CSRNP3: variants seen among roughly 807,000 people sequenced by gnomAD.
CSRNP3 encodes the protein cysteine/serine-rich nuclear protein 3.
CSRNP3 carries 12 observed loss-of-function variants against 48.0 expected under a neutral mutation model. The ratio of observed to expected loss-of-function variants is 0.25; its 90% CI spans 0.16 to 0.41. The LOEUF is 0.41. Ranked by LOEUF, CSRNP3 falls within the 10% of genes least tolerant of loss-of-function variation. The pLI is 1.00. For missense variants in CSRNP3, 580 were observed against 724.4 expected (o/e 0.80, Z 2.29); for synonymous variants, 263 against 269.7 (o/e 0.98, Z 0.24).
At chr2:165,524,528 G>T (rs13426832) in intron 3 of CSRNP3, among the ~76,000 whole-genome samples, 13,579 of 152,112 alleles carry the variant, frequency 0.089, 922 homozygotes, top group Middle Eastern at 0.14. Flanking sequence ...TTTGACAGTT[G>T]TACAGAGTCA....
Position 165,496,906 on chromosome 2 carries a change from G to T in CSRNP3, c.-113+1978G>T, listed in dbSNP as rs572049714. Among the ~76,000 whole-genome samples the T allele has an allele frequency of 7.4e-3, 1,122 of 152,004 alleles. 13 individuals carry two copies. Among genetic ancestry groups the T allele is most frequent in the African/African-American group, 0.025 (1,056 of 41,478 alleles). On this transcript the variant is annotated intron_variant, in intron 2 of 6. Coordinates refer to ENST00000651982, the MANE Select transcript of CSRNP3 (RefSeq NM_001172173.2). Reference sequence around the variant, plus strand: ...GACTTCTCTATGCAAGACACTTATTGATTTCTATAGCTTGTAAGTTCACAA... The same window carrying T: ...GACTTCTCTATGCAAGACACTTATTTATTTCTATAGCTTGTAAGTTCACAA...
At chr2:165,602,133 G>T (rs1420673158) in intron 4 of CSRNP3, among the ~76,000 whole-genome samples, 1 of 152,128 alleles carries the variant, frequency 6.6e-6, no homozygotes, top group Non-Finnish European at 1.5e-5. Context: ...CAATGGAGGA[G>T]TGTTCAGGCC....
intron 6 of CSRNP3, among the ~76,000 whole-genome samples, chr2:165,678,453 T>C (rs1687465930): frequency 6.6e-6 from 1 of 152,148 alleles, no homozygotes; most frequent in Admixed American, 6.5e-5. Context: ...GTCAGTGAAC[T>C]GAAAATACAC....
chr2:165,604,247 A>G (rs1266995424), intron 4 of CSRNP3, among the ~76,000 whole-genome samples: 1 of 152,210 alleles, frequency 6.6e-6, no homozygotes, highest in Non-Finnish European at 1.5e-5. Flanking sequence ...TTATTTATGC[A>G]CACATCTTAT....
intron 3 of CSRNP3, among the ~76,000 whole-genome samples, chr2:165,570,588 A>C (rs1021245672): frequency 4.5e-5 from 6 of 133,526 alleles, no homozygotes; most frequent in Non-Finnish European, 1.0e-4. Context: ...TTTTTGAAGT[A>C]ATGCAGTAAA....
intron 2 of CSRNP3, among the ~76,000 whole-genome samples, chr2:165,505,133 C>T (rs1462877575): frequency 6.6e-6 from 1 of 152,026 alleles, no homozygotes; most frequent in East Asian, 1.9e-4. Context: ...ATTCTTCAAA[C>T]AAAATGTTTC....
chr2:165,532,871 A>G (rs1177186647), intron 3 of CSRNP3, among the ~76,000 whole-genome samples: 1 of 152,160 alleles, frequency 6.6e-6, no homozygotes, highest in African/African-American at 2.4e-5. Context: ...GTCTCAGGAT[A>G]CAAAATCAAT....
chr2:165,547,057 T>G lies in CSRNP3; in HGVS notation c.-24+29096T>G, dbSNP rs903942163. 9.8e-5 allele frequency among the ~76,000 whole-genome samples: 15 copies of G among 152,314 alleles called. 1 individual carries two copies. Among genetic ancestry groups the G allele is most frequent in the African/African-American group, 3.6e-4 (15 of 41,586 alleles). ...CTCCCTTCTTAATTGATAACCACTG[T>G]CAATGTATTTTGTGCCTGTCTTTAA... On this transcript the variant is annotated intron_variant, in intron 3 of 6. Transcript: ENST00000651982.
In CSRNP3 at chr2:165,517,204, A is replaced by G. The variant is rs372275045; in HGVS notation, c.-112-669A>G. Among the ~76,000 whole-genome samples the G allele has an allele frequency of 1.6e-4, 25 of 152,172 alleles. No individual in the cohort carries two copies. The South Asian group carries it at 2.3e-3, about 14-fold the overall frequency. ...TAGTCTGGGTAAATAAAAAGTATAT[A>G]TCATTACTGCCCGGGTTTCATCATC... On this transcript the variant is annotated intron_variant, in intron 2 of 6. Transcript: ENST00000651982.
At chr2:165,576,142 T>C (rs956555843) in intron 3 of CSRNP3, among the ~76,000 whole-genome samples, 5 of 150,758 alleles carry the variant, frequency 3.3e-5, no homozygotes, top group Non-Finnish European at 7.4e-5. Context: ...AATATATATA[T>C]ACACACACAT....
chr2:165,647,280 C>T lies in CSRNP3; in HGVS notation c.149-10481C>T, dbSNP rs116157871. ...ATTTTAGCAAGTATTAAAATTCAGACTTTAAATCGATTACATTATTTGACA... is the reference window on the plus strand; with the variant it reads ...ATTTTAGCAAGTATTAAAATTCAGATTTTAAATCGATTACATTATTTGACA... On this transcript the variant is annotated intron_variant, in intron 4 of 6. Coordinates refer to ENST00000651982, the MANE Select transcript of CSRNP3 (RefSeq NM_001172173.2). Among the ~76,000 whole-genome samples, 566 of 152,242 alleles carry T rather than the reference C, an allele frequency of 3.7e-3. 3 individuals are homozygous for T. The highest frequency in any genetic ancestry group is 0.013 in the African/African-American group (528 of 41,544).
rs183945800 is a variant in CSRNP3, at chr2:165,669,845, C to T, written c.409-6467C>T. 5.3e-5 allele frequency among the ~76,000 whole-genome samples: 8 copies of T among 152,224 alleles called. No homozygotes were observed. The East Asian group carries it at 7.7e-4, about 15-fold the overall frequency. ...CATGCCCACCCCACACATACATACA[C>T]ACAGGGGCCTTGACCTGGAGATCCT... On this transcript the variant is annotated intron_variant, in intron 5 of 6. Coordinates refer to ENST00000651982, the MANE Select transcript of CSRNP3 (RefSeq NM_001172173.2).
At chr2:165,608,361 A>G (rs920940299) in intron 4 of CSRNP3, among the ~76,000 whole-genome samples, 1 of 152,166 alleles carries the variant, frequency 6.6e-6, no homozygotes, top group Non-Finnish European at 1.5e-5. Flanking sequence ...TTTAACAACT[A>G]TCTTCAAAGC....
intron 4 of CSRNP3, among the ~76,000 whole-genome samples, chr2:165,611,662 G>A (rs778633119): frequency 6.6e-6 from 1 of 151,936 alleles, no homozygotes; most frequent in Non-Finnish European, 1.5e-5. Flanking sequence ...CTGCAATTCT[G>A]TGAAATAGGT....
chr2:165,572,311 A>G (rs886335530), intron 3 of CSRNP3: 6 of 152,218 alleles, frequency 3.9e-5, no homozygotes, highest in African/African-American at 1.4e-4. Flanking sequence ...CTCTCAGACA[A>G]AACTCCATGT....
intron 2 of CSRNP3, among the ~76,000 whole-genome samples, chr2:165,512,593 T>C (rs929229188): frequency 6.6e-6 from 1 of 152,200 alleles, no homozygotes; most frequent in Non-Finnish European, 1.5e-5. Context: ...TTTGGAAACA[T>C]TTTTTGTCAT....
chr2:165,470,313 A>C (rs950662185), intron 1 of CSRNP3, among the ~76,000 whole-genome samples: 1 of 152,032 alleles, frequency 6.6e-6, no homozygotes, highest in African/African-American at 2.4e-5. Context: ...GATAAATCTC[A>C]TGTTGTTCAA....
intron 2 of CSRNP3, among the ~76,000 whole-genome samples, chr2:165,503,390 G>T (rs1366766329): frequency 6.6e-6 from 1 of 151,692 alleles, no homozygotes; most frequent in African/African-American, 2.4e-5. Context: ...ATCATTGTTT[G>T]TGGTTTTCTT....
chr2:165,487,605 A>C (rs1317654635), intron 1 of CSRNP3, among the ~76,000 whole-genome samples: 1 of 146,148 alleles, frequency 6.8e-6, no homozygotes, highest in East Asian at 2.1e-4. Context: ...TCTCGGCAGA[A>C]ACCCTACAAG....
Sources: gnomAD v4.1 joint callset for allele counts (sites outside exome capture counted in the v4.1 genomes callset) on GRCh38, gnomAD v4.1.1 for gene constraint, MANE v1.5 for transcripts, NCBI Gene and HGNC (gene_info 2026-07-23, HGNC 2026-07-21) for gene names.